ULK4: variants seen among roughly 807,000 people sequenced by gnomAD.
The protein encoded by ULK4 is unc-51 like kinase 4, also known as inactive serine/threonine-protein kinase ULK4.
ULK4 carries 133 observed loss-of-function variants against 160.6 expected under a neutral mutation model. The ratio of observed to expected loss-of-function variants is 0.83; its 90% CI spans 0.72 to 0.96. ULK4 has a LOEUF of 0.96. Among genes scored for constraint, ULK4 ranks in the 40% least tolerant of loss-of-function variants. The probability of loss-of-function intolerance (pLI) is 0.00; values close to 1 mark genes in which losing one functional copy is unlikely to be tolerated. For synonymous variants in ULK4, 534 were observed against 539.8 expected, an observed-to-expected ratio of 0.99 and a Z score of 0.15; for missense variants, 1,580 against 1,499.5, an observed-to-expected ratio of 1.05 and a Z score of -0.89.
intron 17 of ULK4, 45 bp downstream of exon 17, chr3:41,883,829 A>G: frequency 6.8e-7 from 1 of 1,465,864 alleles, no homozygotes; most frequent in Non-Finnish European, 9.6e-7. Flanking sequence ...AATCAAGAAC[A>G]GTATTTCTTG....
intron 34 of ULK4, among the ~76,000 whole-genome samples, chr3:41,433,099 A>C (rs185131293): frequency 3.5e-4 from 54 of 152,326 alleles, no homozygotes; most frequent in Admixed American, 1.6e-3. Flanking sequence ...TGTTGTGAAA[A>C]AAGGATAAGC....
chr3:41,459,862 C>T (rs919622336), intron 33 of ULK4, among the ~76,000 whole-genome samples: 2 of 151,980 alleles, frequency 1.3e-5, no homozygotes, highest in Admixed American at 1.3e-4. Flanking sequence ...CCCTGGGGCT[C>T]GACTGTATAA....
chr3:41,644,122 A>G (rs2034368972), intron 30 of ULK4, among the ~76,000 whole-genome samples: 1 of 152,214 alleles, frequency 6.6e-6, no homozygotes, highest in Admixed American at 6.5e-5. Context: ...TAGATACACA[A>G]TCATGTCGTC....
chr3:41,608,191 T>C (rs1405059902), intron 31 of ULK4, among the ~76,000 whole-genome samples: 1 of 152,254 alleles, frequency 6.6e-6, no homozygotes, highest in East Asian at 1.9e-4. Flanking sequence ...AGCTCTATTT[T>C]TCCCATAAAT....
intron 25 of ULK4, among the ~76,000 whole-genome samples, chr3:41,712,403 A>ATAC (rs1206826053): frequency 6.6e-6 from 1 of 152,138 alleles, no homozygotes; most frequent in Non-Finnish European, 1.5e-5. Context: ...GCCTCAGGGG[A>ATAC]AGCCAAGAAG....
At chr3:41,831,878 C>A (rs1028224177) in intron 18 of ULK4, among the ~76,000 whole-genome samples, 2 of 152,128 alleles carry the variant, frequency 1.3e-5, no homozygotes, top group African/African-American at 4.8e-5. Flanking sequence ...ATGATATGAT[C>A]TCATTCTTTT....
intron 27 of ULK4, among the ~76,000 whole-genome samples, chr3:41,689,369 G>C (rs1366395450): frequency 6.6e-6 from 1 of 152,172 alleles, no homozygotes; most frequent in Non-Finnish European, 1.5e-5. Flanking sequence ...TGAGAGTCTG[G>C]AGTAATGGAG....
intron 1 of ULK4, among the ~76,000 whole-genome samples, chr3:41,956,837 T>A (rs1700501090): frequency 6.6e-6 from 1 of 152,240 alleles, no homozygotes; most frequent in Non-Finnish European, 1.5e-5. Context: ...CAAACTGCTA[T>A]ATATTGCCTA....
At chr3:41,330,209 A>G (rs2080415763) in intron 35 of ULK4, among the ~76,000 whole-genome samples, 1 of 152,146 alleles carries the variant, frequency 6.6e-6, no homozygotes, top group African/African-American at 2.4e-5. Context: ...TCCTTATTTC[A>G]TTCAACCAGC....
At chr3:41,650,063 A>T (rs1575528721) in intron 30 of ULK4, among the ~76,000 whole-genome samples, 1 of 151,922 alleles carries the variant, frequency 6.6e-6, no homozygotes, top group Non-Finnish European at 1.5e-5. Context: ...GAAGGGAGCT[A>T]CCCACCACAG....
chr3:41,767,427 ACTT>A (rs1201764776), intron 21 of ULK4, among the ~76,000 whole-genome samples: 1 of 152,082 alleles, frequency 6.6e-6, no homozygotes, highest in African/African-American at 2.4e-5. Context: ...TGCTCCCCAC[ACTT>A]CTACTTCCCA....
intron 17 of ULK4, among the ~76,000 whole-genome samples, chr3:41,858,507 CA>C (rs2042423066): frequency 7.7e-6 from 1 of 130,714 alleles, no homozygotes; most frequent in African/African-American, 3.3e-5. Context: ...AGAAATTTTT[CA>C]ATTTTTTTTT....
At chr3:41,763,130 C>A (rs2125909781) in intron 21 of ULK4, among the ~76,000 whole-genome samples, 1 of 151,906 alleles carries the variant, frequency 6.6e-6, no homozygotes. Context: ...GGACACAGAG[C>A]CAAATCCTAT....
intron 4 of ULK4, among the ~76,000 whole-genome samples, chr3:41,934,976 G>A (rs1699712976): frequency 6.6e-6 from 1 of 151,108 alleles, no homozygotes; most frequent in East Asian, 1.9e-4. Context: ...AGCAACTTAG[G>A]CAGCTAAAAT....
intron 32 of ULK4, among the ~76,000 whole-genome samples, chr3:41,544,819 G>A (rs530993588): frequency 3.9e-5 from 6 of 152,220 alleles, no homozygotes; most frequent in African/African-American, 1.2e-4. Context: ...TTTTTAGTCG[G>A]GGGTTCCAAA....
At position 41,809,564 on chromosome 3, in the gene ULK4, G is replaced by C. The variant is rs531404154; in HGVS notation, c.1849-9271C>G. On this transcript the variant is annotated intron_variant, in intron 19 of 36. Transcript: ENST00000301831. ...ATTTTTGATTTTAAAAGTAAATATA[G>C]ATAATCAGTTTCCGCATATCACTGA... 8.5e-5 allele frequency among the ~76,000 whole-genome samples: 13 copies of C among 152,238 alleles called. No individual in the cohort carries two copies. The South Asian group carries it at 2.5e-3, about 29-fold the overall frequency.
At chr3:41,330,299 C>T (rs1013397149) in intron 35 of ULK4, among the ~76,000 whole-genome samples, 1 of 152,204 alleles carries the variant, frequency 6.6e-6, no homozygotes, top group Non-Finnish European at 1.5e-5. Flanking sequence ...TACTGACTGC[C>T]TTTTCCAAGT....
intron 17 of ULK4, 89 bp downstream of exon 17, chr3:41,883,768 CAGAGAAAAAACAAGTGA>C (rs113374533): frequency 0.79 from 864,577 of 1,097,788 alleles, 346,543 homozygotes; most frequent in East Asian, 0.85. Flanking sequence ...CACAATCCCA[CAGAGAAAAAACAAGTGA>C]AGGTCGGTGA....
At chr3:41,680,361 G>A (rs1363490216) in intron 29 of ULK4, among the ~76,000 whole-genome samples, 1 of 152,146 alleles carries the variant, frequency 6.6e-6, no homozygotes, top group Non-Finnish European at 1.5e-5. Flanking sequence ...AGCTGCAGAA[G>A]TGTAAATAGG....
Sources: allele counts gnomAD v4.1 joint callset (sites outside exome capture counted in the v4.1 genomes callset), GRCh38; gene constraint gnomAD v4.1.1; transcripts MANE v1.5; gene names NCBI Gene and HGNC (gene_info 2026-07-23, HGNC 2026-07-21).